The following HDAC9 variants were observed in gnomAD, a reference collection of about 807,000 sequenced individuals.
The protein encoded by HDAC9 is histone deacetylase 9.
A neutral mutation model predicts 139.4 loss-of-function variants in HDAC9; 41 were observed. The observed-to-expected ratio is 0.29, with a 90% CI of 0.23 to 0.38. The LOEUF is 0.38. Among genes scored for constraint, HDAC9 ranks in the 10% least tolerant of loss-of-function variants. The pLI is 1.00. For synonymous variants in HDAC9, 517 were observed against 476.2 expected (o/e 1.09, Z -1.12); for missense variants, 1,147 against 1,297.0 (o/e 0.88, Z 1.78).
In HDAC9 at chr7:18,591,252, GTAAT is replaced by G. The variant is rs1270972113; in HGVS notation, c.416-260_416-257del. The stretch of plus-strand genomic sequence containing the variant: ...TTTTGGGAATTCCCTCTTTGCAAAA[GTAAT>G]TAAAGAAATAGCTGAAAGTCTTTTG... On this transcript the variant is annotated intron_variant, in intron 4 of 25. Coordinates refer to ENST00000686413, the MANE Select transcript of HDAC9 (RefSeq NM_178425.4). Among the ~76,000 whole-genome samples the G allele has an allele frequency of 7.9e-5, 12 of 152,246 alleles. No individual in the cohort carries two copies. The East Asian group carries it at 2.1e-3, about 27-fold the overall frequency.
At chr7:18,233,916 A>C (rs1456474333) in intron 2 of HDAC9, among the ~76,000 whole-genome samples, 1 of 151,980 alleles carries the variant, frequency 6.6e-6, no homozygotes, top group Non-Finnish European at 1.5e-5. Flanking sequence ...TAGGTAAACC[A>C]AGTTTTTTTT....
intron 17 of HDAC9, among the ~76,000 whole-genome samples, chr7:18,808,766 T>G (rs960488972): frequency 2.6e-5 from 4 of 152,018 alleles, no homozygotes; most frequent in African/African-American, 9.7e-5. Context: ...AATGACATTT[T>G]TCACAGAAAG....
intron 12 of HDAC9, among the ~76,000 whole-genome samples, chr7:18,718,118 C>T (rs1411388642): frequency 6.6e-6 from 1 of 151,672 alleles, no homozygotes; most frequent in Non-Finnish European, 1.5e-5. Flanking sequence ...TACCCATTAG[C>T]AGTAACTTCA....
At chr7:18,937,367 T>G (rs757243205) in intron 23 of HDAC9, among the ~76,000 whole-genome samples, 2 of 152,122 alleles carry the variant, frequency 1.3e-5, no homozygotes, top group East Asian at 3.9e-4. Context: ...GCACAGTAAC[T>G]CAAAGGATGT....
Position 18,326,523 on chromosome 7 carries a change from G to T in HDAC9, c.-42+36008G>T, listed in dbSNP as rs373414893. Among the ~76,000 whole-genome samples the T allele has an allele frequency of 1.5e-4, 23 of 151,862 alleles. No homozygotes were observed. In the East Asian group the frequency reaches 2.1e-3, roughly 14 times the overall value. ...TCCTCTTCACCACTTATATATTTTT[G>T]ATTTTGTCCCAAATAGCCAAACATG... On this transcript the variant is annotated intron_variant, in intron 1 of 3. Coordinates refer to the HDAC9 transcript ENST00000413509.
intron 2 of HDAC9, among the ~76,000 whole-genome samples, chr7:18,272,169 T>C (rs1411780251): frequency 6.6e-6 from 1 of 152,194 alleles, no homozygotes; most frequent in Non-Finnish European, 1.5e-5. Flanking sequence ...GTGCTAACTC[T>C]ACCAGCAATT....
chr7:18,704,451 C>G (rs1783732321), intron 12 of HDAC9, among the ~76,000 whole-genome samples: 1 of 152,202 alleles, frequency 6.6e-6, no homozygotes, highest in South Asian at 2.1e-4. Context: ...TTTTAAGAAG[C>G]CATTCTAGGT....
At chr7:18,270,428 C>G (rs1277670194) in intron 2 of HDAC9, among the ~76,000 whole-genome samples, 1 of 151,918 alleles carries the variant, frequency 6.6e-6, no homozygotes, top group Non-Finnish European at 1.5e-5. Context: ...TTATAAAAAG[C>G]AAAAGCTCAG....
intron 25 of HDAC9, among the ~76,000 whole-genome samples, chr7:18,984,926 T>C (rs1049151223): frequency 6.6e-6 from 1 of 152,148 alleles, no homozygotes; most frequent in Non-Finnish European, 1.5e-5. Flanking sequence ...TATACATATG[T>C]TTGCTTTTGT....
intron 22 of HDAC9, among the ~76,000 whole-genome samples, chr7:18,922,636 A>G (rs906721209): frequency 1.3e-5 from 2 of 152,128 alleles, no homozygotes; most frequent in African/African-American, 4.8e-5. Flanking sequence ...ACTTTAAGAA[A>G]TATGAGTTAG....
chr7:18,149,765 A>G (rs1228528376), intron 1 of HDAC9, among the ~76,000 whole-genome samples: 2 of 152,176 alleles, frequency 1.3e-5, no homozygotes, highest in African/African-American at 2.4e-5. Flanking sequence ...TGTGTTAGCC[A>G]GGATGGTCTC....
chr7:18,649,344 C>G (rs1305549179), intron 11 of HDAC9, among the ~76,000 whole-genome samples: 1 of 152,080 alleles, frequency 6.6e-6, no homozygotes, highest in Non-Finnish European at 1.5e-5. Flanking sequence ...AATTCGTAAG[C>G]AAAATGATAT....
chr7:18,545,423 C>A (rs1397524484), intron 2 of HDAC9, among the ~76,000 whole-genome samples: 1 of 152,010 alleles, frequency 6.6e-6, no homozygotes, highest in Non-Finnish European at 1.5e-5. Flanking sequence ...TGGGTAGTGA[C>A]CAGAAGTTGT....
chr7:18,886,960 C>T (rs11768780), intron 22 of HDAC9, among the ~76,000 whole-genome samples: 32,549 of 152,014 alleles, frequency 0.21, 3,753 homozygotes, highest in South Asian at 0.33. Context: ...CAAATCAATA[C>T]GGAAAAGAAT....
intron 17 of HDAC9, among the ~76,000 whole-genome samples, chr7:18,819,699 G>C (rs1794822906): frequency 6.6e-6 from 1 of 152,182 alleles, no homozygotes; most frequent in Non-Finnish European, 1.5e-5. Context: ...AGGAATGTGA[G>C]TATTCAGTCC....
At chr7:18,798,956 G>A (rs1793047816) in intron 17 of HDAC9, among the ~76,000 whole-genome samples, 1 of 151,742 alleles carries the variant, frequency 6.6e-6, no homozygotes, top group Non-Finnish European at 1.5e-5. Context: ...ATGTCAAACT[G>A]ATTTTGAGGC....
rs997393250 is a variant in HDAC9 at position 18,209,817 on chromosome 7, C to T, written c.25+47468C>T. 5.9e-5 allele frequency among the ~76,000 whole-genome samples: 9 copies of T among 152,152 alleles called. No individual in the cohort carries two copies. In the South Asian group the frequency reaches 6.2e-4, roughly 11 times the overall value. On this transcript the variant is annotated intron_variant, in intron 2 of 12. Transcript: ENST00000417496. The stretch of plus-strand genomic sequence containing the variant: ...CCAGTTTCACGCCATTCTCCTCCCT[C>T]AGCCTTCAGAGTAGCTGGGACTACG...
At chr7:18,346,739 T>TA (rs1403246805) in intron 1 of HDAC9, among the ~76,000 whole-genome samples, 1 of 152,152 alleles carries the variant, frequency 6.6e-6, no homozygotes, top group African/African-American at 2.4e-5. Flanking sequence ...CTTCCACAAT[T>TA]ACAATAGACA....
chr7:18,145,742 G>T (rs1001823366), intron 1 of HDAC9, among the ~76,000 whole-genome samples: 2 of 152,138 alleles, frequency 1.3e-5, no homozygotes, highest in Admixed American at 6.5e-5. Flanking sequence ...TAGAATGGAT[G>T]TGCTGAATCT....
Sources: allele counts gnomAD v4.1 joint callset (sites outside exome capture counted in the v4.1 genomes callset), GRCh38; gene constraint gnomAD v4.1.1; transcripts MANE v1.5; gene names NCBI Gene and HGNC (gene_info 2026-07-23, HGNC 2026-07-21).